ZNF407: variants seen among roughly 807,000 people sequenced by gnomAD.
The protein encoded by ZNF407 is zinc finger protein 407.
A neutral mutation model predicts 131.2 loss-of-function variants in ZNF407; 17 were observed. The observed-to-expected ratio is 0.13, with a 90% CI of 0.09 to 0.19. ZNF407 has a LOEUF of 0.19. Ranked by LOEUF, ZNF407 falls within the 10% of genes least tolerant of loss-of-function variation. The pLI is 1.00. For synonymous variants in ZNF407, 1,156 were observed against 1,062.0 expected (o/e 1.09, Z -1.72); for missense variants, 2,681 against 2,830.6 (o/e 0.95, Z 1.20).
chr18:74,739,808 G>A (rs1357219441), intron 3 of ZNF407, among the ~76,000 whole-genome samples: 1 of 152,128 alleles, frequency 6.6e-6, no homozygotes, highest in African/African-American at 2.4e-5. Flanking sequence ...AACCCAACTT[G>A]TATGACATTC....
chr18:74,869,089 G>A (rs763871440), intron 4 of ZNF407, among the ~76,000 whole-genome samples: 1 of 152,236 alleles, frequency 6.6e-6, no homozygotes, highest in Non-Finnish European at 1.5e-5. Flanking sequence ...CATTTGGAAT[G>A]AAGGTGTAAG....
At chr18:74,917,115 C>G (rs1171974496) in intron 7 of ZNF407, among the ~76,000 whole-genome samples, 1 of 151,986 alleles carries the variant, frequency 6.6e-6, no homozygotes. Flanking sequence ...ACAAGTAACC[C>G]ATTGAAATTG....
At chr18:75,014,712 A>G (rs1048676922) in intron 8 of ZNF407, among the ~76,000 whole-genome samples, 1 of 152,122 alleles carries the variant, frequency 6.6e-6, no homozygotes. Flanking sequence ...TTTTTCATTG[A>G]TATTTCAAGT....
intron 8 of ZNF407, among the ~76,000 whole-genome samples, chr18:74,945,903 C>G (rs1486936586): frequency 6.6e-6 from 1 of 151,998 alleles, no homozygotes; most frequent in Admixed American, 6.5e-5. Flanking sequence ...TCAAAGCTGT[C>G]TCCCCGACAT....
chr18:74,695,877 A>T (rs2144810002), intron 3 of ZNF407, among the ~76,000 whole-genome samples: 1 of 152,342 alleles, frequency 6.6e-6, no homozygotes, highest in African/African-American at 2.4e-5. Flanking sequence ...TTAAAAGAAG[A>T]GATCTACATA....
intron 3 of ZNF407, among the ~76,000 whole-genome samples, chr18:74,766,463 G>A (rs537744802): frequency 6.6e-6 from 1 of 152,256 alleles, no homozygotes; most frequent in South Asian, 2.1e-4. Flanking sequence ...TGATCTATGT[G>A]GCAATGCCTG....
chr18:74,794,540 C>G (rs1274230326), intron 4 of ZNF407, among the ~76,000 whole-genome samples: 1 of 151,880 alleles, frequency 6.6e-6, no homozygotes, highest in Non-Finnish European at 1.5e-5. Flanking sequence ...TTAATTTGTC[C>G]TAACGCTACG....
chr18:74,660,391 C>T (rs1985662544), intron 3 of ZNF407, among the ~76,000 whole-genome samples: 1 of 152,026 alleles, frequency 6.6e-6, no homozygotes. Flanking sequence ...ATTCTTCATC[C>T]ATCTAGATCA....
Position 75,048,916 on chromosome 18 carries a change from G to T in ZNF407, c.5429-14234G>T, listed in dbSNP as rs1973465150. ...CCAAGCCAGAGTCAGCCAGCGAGAG[G>T]CTCCCTGGCTGGCAGGAATGGGCCT... is the stretch of plus-strand genomic sequence containing the variant. On this transcript the variant is annotated intron_variant, in intron 8 of 8. Coordinates refer to ENST00000299687, the MANE Select transcript of ZNF407 (RefSeq NM_017757.3). The surrounding 1 kb of genome is among the most constrained non-coding windows in gnomAD (Gnocchi z 4.1). 6.6e-6 allele frequency among the ~76,000 whole-genome samples: 1 copy of T among 152,128 alleles called. No homozygotes were observed. Among genetic ancestry groups the T allele is most frequent in the Non-Finnish European group, 1.5e-5 (1 of 68,016 alleles).
chr18:75,008,114 C>T (rs1235544476), intron 8 of ZNF407, among the ~76,000 whole-genome samples: 1 of 152,128 alleles, frequency 6.6e-6, no homozygotes, highest in Non-Finnish European at 1.5e-5. Flanking sequence ...TCACTGAATG[C>T]CATGCCAAGG....
intron 8 of ZNF407, among the ~76,000 whole-genome samples, chr18:74,979,252 A>C (rs1043094312): frequency 5.3e-5 from 8 of 152,164 alleles, no homozygotes; most frequent in Admixed American, 3.3e-4. Context: ...CAGGCATTCA[A>C]GTGCGGTTAT....
At chr18:74,756,560 A>G (rs187019917) in intron 3 of ZNF407, among the ~76,000 whole-genome samples, 1 of 152,240 alleles carries the variant, frequency 6.6e-6, no homozygotes, top group Admixed American at 6.5e-5. Flanking sequence ...AGTATTTTAA[A>G]TGTTTTTATA....
intron 8 of ZNF407, among the ~76,000 whole-genome samples, chr18:75,051,948 A>G (rs539938795): frequency 1.2e-3 from 187 of 152,354 alleles, no homozygotes; most frequent in African/African-American, 4.2e-3. Context: ...AGTCCTGAAC[A>G]TAGTTTAGAA....
intron 7 of ZNF407, among the ~76,000 whole-genome samples, 158 bp from the exon 8 acceptor site, chr18:74,920,356 T>A (rs1367023047): frequency 6.6e-6 from 1 of 152,214 alleles, no homozygotes; most frequent in Non-Finnish European, 1.5e-5. Flanking sequence ...ACTACCAGCC[T>A]CATAAGGCTG....
chr18:74,972,122 A>G (rs778728144), intron 8 of ZNF407, among the ~76,000 whole-genome samples: 1 of 152,210 alleles, frequency 6.6e-6, no homozygotes, highest in Non-Finnish European at 1.5e-5. Context: ...ACATGTGGGA[A>G]TTCTGGGAGA....
At chr18:75,044,623 T>C (rs980728418) in intron 8 of ZNF407, among the ~76,000 whole-genome samples, 1 of 152,224 alleles carries the variant, frequency 6.6e-6, no homozygotes, top group African/African-American at 2.4e-5. Context: ...CCCGTCACTA[T>C]GGCCCGTGTC....
At chr18:74,685,454 C>T (rs1967075935) in intron 3 of ZNF407, among the ~76,000 whole-genome samples, 1 of 152,182 alleles carries the variant, frequency 6.6e-6, no homozygotes. Context: ...TCTGTCCTCC[C>T]TCCTCAGCAC....
At chr18:74,878,465 T>C (rs1211236877) in intron 5 of ZNF407, among the ~76,000 whole-genome samples, 1 of 152,190 alleles carries the variant, frequency 6.6e-6, no homozygotes, top group Non-Finnish European at 1.5e-5. Flanking sequence ...CAGCCTGCCC[T>C]GAGAGATCAC....
At chr18:74,904,560 G>A (rs2554129) in intron 7 of ZNF407, among the ~76,000 whole-genome samples, 70,965 of 152,042 alleles carry the variant, frequency 0.47, 18,722 homozygotes, top group Non-Finnish European at 0.59. Flanking sequence ...AAATTCTGAA[G>A]AACTCATTTG....
Sources: gnomAD v4.1 joint callset for allele counts (sites outside exome capture counted in the v4.1 genomes callset) on GRCh38, gnomAD v4.1.1 for gene constraint, Gnocchi (gnomAD v3.1) non-coding constraint, MANE v1.5 for transcripts, NCBI Gene and HGNC (gene_info 2026-07-23, HGNC 2026-07-21) for gene names.